The following HECTD4 variants were observed in gnomAD, a reference collection of about 807,000 sequenced individuals.
HECTD4 encodes the protein HECT domain E3 ubiquitin protein ligase 4.
Under a neutral mutation model 471.5 loss-of-function variants are expected in HECTD4, and 114 were observed. The ratio of observed to expected loss-of-function variants is 0.24; its 90% CI spans 0.21 to 0.28. HECTD4 has a LOEUF of 0.28. Among genes scored for constraint, HECTD4 ranks in the 10% least tolerant of loss-of-function variants. The pLI is 1.00. For synonymous variants in HECTD4, 2,012 were observed against 2,256.0 expected (o/e 0.89, Z 3.07); for missense variants, 3,866 against 5,651.5 (o/e 0.68, Z 10.13).
At chr12:112,379,712 ATT>A (rs1015134462) in intron 1 of HECTD4, among the ~76,000 whole-genome samples, 167 of 142,822 alleles carry the variant, frequency 1.2e-3, no homozygotes, top group African/African-American at 3.8e-3. Flanking sequence ...AAATAAAAAG[ATT>A]TTTTATATAT....
chr12:112,224,589 G>C (rs998916886), intron 44 of HECTD4, among the ~76,000 whole-genome samples: 3 of 152,020 alleles, frequency 2.0e-5, no homozygotes, highest in African/African-American at 7.2e-5. Context: ...ACTTTACATA[G>C]GATACTATTT....
chr12:112,322,367 T>C (rs141056664), intron 1 of HECTD4: 2 of 151,540 alleles, frequency 1.3e-5, no homozygotes, highest in Non-Finnish European at 2.9e-5. Context: ...GGAGACCCTG[T>C]CTCAAAAAAG....
intron 62 of HECTD4, among the ~76,000 whole-genome samples, chr12:112,182,755 C>T (rs1371562978): frequency 6.6e-6 from 1 of 152,270 alleles, no homozygotes; most frequent in African/African-American, 2.4e-5. Flanking sequence ...CAGGGGCTGC[C>T]CCCACGGCCT....
At chr12:112,275,081 G>A in intron 9 of HECTD4, 121 bp from the exon 10 acceptor site, 1 of 591,786 alleles carries the variant, frequency 1.7e-6, no homozygotes, top group Non-Finnish European at 2.9e-6. Context: ...GTGTATTGGT[G>A]GTAATTGGTG....
chr12:112,236,841 T>C (rs1459331635), intron 35 of HECTD4, 104 bp downstream of exon 35: 3 of 1,077,814 alleles, frequency 2.8e-6, no homozygotes, highest in Non-Finnish European at 3.8e-6. Flanking sequence ...CAAAATGGCC[T>C]AGTAATTTAG....
At chr12:112,302,867 C>G (rs1403123514) in intron 7 of HECTD4, among the ~76,000 whole-genome samples, 3 of 152,064 alleles carry the variant, frequency 2.0e-5, no homozygotes, top group Non-Finnish European at 4.4e-5. Flanking sequence ...ATGTGCTGAA[C>G]CCCTGGCTTC....
intron 1 of HECTD4, among the ~76,000 whole-genome samples, chr12:112,376,685 G>A (rs1474296144): frequency 6.6e-6 from 1 of 152,154 alleles, no homozygotes; most frequent in African/African-American, 2.4e-5. Context: ...TGCTGAGGAC[G>A]CTTCCCTCTC....
intron 7 of HECTD4, among the ~76,000 whole-genome samples, chr12:112,286,689 C>T (rs1419160469): frequency 6.6e-6 from 1 of 152,054 alleles, no homozygotes; most frequent in East Asian, 1.9e-4. Flanking sequence ...GAGATCCTGT[C>T]CCACCCCGCC....
At chr12:112,226,385 T>C (rs998786001) in intron 44 of HECTD4, 10 of 326,530 alleles carry the variant, frequency 3.1e-5, no homozygotes, top group Non-Finnish European at 4.4e-5. Context: ...AACAAATCAA[T>C]AGGAATGAAG....
chr12:112,179,247 G>T lies in HECTD4; in HGVS notation c.11138C>A (p.Pro3713Gln). Reference protein sequence around the residue: ...LSKEQINSQTPGNLLHLFFTN... With the variant: ...LSKEQINSQTQGNLLHLFFTN... ...GAAGAAGAGGTGGAGGAGGTTGCCTGGGGTCTGGGAGTTGATCTGCTCTTT... is the reference window on the plus strand; with the variant it reads ...GAAGAAGAGGTGGAGGAGGTTGCCTTGGGTCTGGGAGTTGATCTGCTCTTT... The change falls in exon 63 of 76, where the codon CCA becomes CAA. Residue 3713 changes from proline (P) to glutamine (Q), a missense_variant. Physicochemically the swap from Pro to Gln is moderately conservative, Grantham distance 76. Coordinates refer to ENST00000682272, the MANE Select transcript of HECTD4 (RefSeq NM_001388303.1). The surrounding 1 kb of genome is among the most constrained non-coding windows in gnomAD (Gnocchi z 4.3). The T allele has an allele frequency of 6.2e-7, 1 of 1,613,834 alleles. No homozygotes were observed. The highest frequency in any genetic ancestry group is 8.5e-7 in the Non-Finnish European group (1 of 1,179,836).
chr12:112,196,519 G>C (rs2135527253), intron 55 of HECTD4, among the ~76,000 whole-genome samples: 1 of 152,276 alleles, frequency 6.6e-6, no homozygotes, highest in South Asian at 2.1e-4. Context: ...TGGGCAAGCT[G>C]AGAACCCCAC....
intron 45 of HECTD4, among the ~76,000 whole-genome samples, chr12:112,217,558 T>C (rs751391977): frequency 3.9e-5 from 6 of 152,224 alleles, no homozygotes; most frequent in Non-Finnish European, 5.9e-5. Flanking sequence ...CTTGCTATAT[T>C]GCCCAGGCTG....
Position 112,261,436 on chromosome 12 carries a change from A to C in HECTD4, c.2749-7T>G. On this transcript the variant is annotated splice_region_variant and splice_polypyrimidine_tract_variant and intron_variant, in intron 17 of 75. Transcript: ENST00000682272. The stretch of plus-strand genomic sequence containing the variant: ...AAATACTGACTTTTAGCTCCTAGGC[A>C]GAAAATATCATCATATTATTTTTAA... 6.3e-7 allele frequency: 1 copy of C among 1,591,478 alleles called. No homozygotes were observed.
intron 28 of HECTD4, 57 bp from the exon 29 acceptor site, chr12:112,247,133 T>C: frequency 3.0e-6 from 4 of 1,345,028 alleles, no homozygotes; most frequent in Admixed American, 4.9e-5. Context: ...AAAACAACTA[T>C]TAAAAAAAAA....
rs569245734 is a variant in HECTD4, at chr12:112,245,625, C to T, written c.4513+1276G>A. Among the ~76,000 whole-genome samples the T allele has an allele frequency of 2.6e-3, 394 of 152,324 alleles. 4 individuals carry two copies. Among genetic ancestry groups the T allele is most frequent in the African/African-American group, 8.9e-3 (372 of 41,576 alleles). Reference sequence around the variant, plus strand: ...CCCAAGTAAGAAGAGCCTTAGATGACCAGCTGGGATGAAAACAAGTTTGCC... The same window carrying T: ...CCCAAGTAAGAAGAGCCTTAGATGATCAGCTGGGATGAAAACAAGTTTGCC... On this transcript the variant is annotated intron_variant, in intron 29 of 75. Transcript: ENST00000682272.
intron 2 of HECTD4, among the ~76,000 whole-genome samples, chr12:112,318,415 C>T (rs1478040045): frequency 1.3e-5 from 2 of 151,900 alleles, no homozygotes; most frequent in Non-Finnish European, 2.9e-5. Flanking sequence ...TGGTCTGTTG[C>T]CCAGGTTAGG....
At chr12:112,359,806 G>A (rs1031035873) in intron 1 of HECTD4, among the ~76,000 whole-genome samples, 1 of 151,888 alleles carries the variant, frequency 6.6e-6, no homozygotes, top group African/African-American at 2.4e-5. Context: ...TTGAACTTCT[G>A]GGCTCAACTG....
Position 112,249,962 on chromosome 12 carries a change from T to C in HECTD4, c.3950+182A>G, listed in dbSNP as rs542949347. ...ATGCTGCTGACTGGTGGGCCAAATT[T>C]TGAGAGCCCCTAGTCTGGAATACTG... On this transcript the variant is annotated intron_variant, in intron 25 of 75. Coordinates refer to ENST00000682272, the MANE Select transcript of HECTD4 (RefSeq NM_001388303.1). The C allele has an allele frequency of 1.9e-4, 113 of 598,098 alleles. 2 individuals carry two copies. In the South Asian group the frequency reaches 2.1e-3, roughly 11 times the overall value. 37.0% of individuals were successfully genotyped at this position (598,098 alleles called of 1,614,324 possible). A position where few individuals can be genotyped will look rare whatever the true frequency, so the allele number is the denominator to read the frequency against.
At position 112,265,288 on chromosome 12, in the gene HECTD4, C is replaced by G; in HGVS notation, c.2506G>C (p.Asp836His). ...SDEDDHYRLN[D>H]ELLHYILKIV... ...TTCAGAATGTAGTGTAAAAGTTCAT[C>G]ATTTAGTCTTTAAAATGCAGGAAAA... The change falls in exon 16 of 76, where the codon GAT becomes CAT. Residue 836 changes from aspartate to histidine, a missense_variant. By Grantham distance (81) the Asp-to-His change is moderately conservative. Coordinates refer to ENST00000682272, the MANE Select transcript of HECTD4 (RefSeq NM_001388303.1). 1.3e-6 allele frequency: 2 copies of G among 1,553,534 alleles called. No individual in the cohort carries two copies. Among genetic ancestry groups the G allele is most frequent in the Non-Finnish European group, 1.8e-6 (2 of 1,142,472 alleles).
Sources: gnomAD v4.1 joint callset for allele counts (sites outside exome capture counted in the v4.1 genomes callset) on GRCh38, gnomAD v4.1.1 for gene constraint, Gnocchi (gnomAD v3.1) non-coding constraint, MANE v1.5 for transcripts, NCBI Gene and HGNC (gene_info 2026-07-23, HGNC 2026-07-21) for gene names.